Variants in SFMBT2 observed in about 807,000 individuals in gnomAD.
SFMBT2 encodes scm-like with four MBT domains protein 2.
In SFMBT2, 38 loss-of-function variants were observed where a neutral mutation model predicts 110.1. The observed-to-expected ratio is 0.35, with a 90% CI of 0.27 to 0.45. The LOEUF is 0.45. Among genes scored for constraint, SFMBT2 ranks in the 20% least tolerant of loss-of-function variants. The pLI is 1.00. For synonymous variants in SFMBT2, 425 were observed against 425.4 expected (o/e 1.00, Z 0.01); for missense variants, 1,011 against 1,094.9 (o/e 0.92, Z 1.08).
chr10:7,368,907 G>T (rs1400797872), intron 3 of SFMBT2, among the ~76,000 whole-genome samples: 1 of 152,174 alleles, frequency 6.6e-6, no homozygotes, highest in Non-Finnish European at 1.5e-5. Context: ...AGTAAATATA[G>T]CATGATGAGT....
In SFMBT2 at chr10:7,172,622, G is replaced by C. The variant is rs3740212; in HGVS notation, c.2024C>G (p.Pro675Arg). The C allele has an allele frequency of 2.7e-3, 4,372 of 1,614,212 alleles. 43 individuals are homozygous for C. Among genetic ancestry groups the C allele is most frequent in the African/African-American group, 0.025 (1,902 of 75,066 alleles). Reference protein sequence around the residue: ...YGKRKKISKPPIGESNPDSGH... With the variant: ...YGKRKKISKPRIGESNPDSGH... Reference sequence around the variant, plus strand: ...GCTGTCGGGGTTGCTTTCCCCGATGGGGGGCTTGGAGATCTTCTTTCTCTT... The same window carrying C: ...GCTGTCGGGGTTGCTTTCCCCGATGCGGGGCTTGGAGATCTTCTTTCTCTT... Residue 675 changes from proline to arginine, a missense_variant, in exon 18 of 21, where the codon CCC becomes CGC. Pro to Arg is a moderately radical substitution (Grantham distance 103, BLOSUM62 -2). This residue lies in a region of SFMBT2 where 979 missense variants were observed against 1,016.1 expected (regional missense o/e 0.96). Coordinates refer to ENST00000397167, the MANE Select transcript of SFMBT2 (RefSeq NM_001387889.1). The surrounding 1 kb of genome is among the most constrained non-coding windows in gnomAD (Gnocchi z 4.6).
Position 7,376,998 on chromosome 10 carries a change from A to G in SFMBT2, c.100+4801T>C, listed in dbSNP as rs554517556. ...GTCCTGGCTAACATGGTGAAACCCC[A>G]TCTCTACTAAAAATACAAAAATTAG... On this transcript the variant is annotated intron_variant, in intron 2 of 20. Transcript: ENST00000397167. Among the ~76,000 whole-genome samples, 350 of 151,234 alleles carry G rather than the reference A, an allele frequency of 2.3e-3. 1 individual carries two copies. The highest frequency in any genetic ancestry group is 9.2e-3 in the South Asian group (44 of 4,776).
chr10:7,180,133 C>CTTTTTTTT (rs34158255), intron 16 of SFMBT2, among the ~76,000 whole-genome samples: 2 of 128,988 alleles, frequency 1.6e-5, no homozygotes, highest in Non-Finnish European at 1.7e-5. Context: ...CTTTTTTTTG[C>CTTTTTTTT]TTTTTTTGAG....
chr10:7,277,829 T>C (rs565015146), intron 6 of SFMBT2, among the ~76,000 whole-genome samples: 1 of 152,246 alleles, frequency 6.6e-6, no homozygotes, highest in Admixed American at 6.5e-5. Context: ...GATATGAATA[T>C]GAAATTAAGC....
chr10:7,192,056 A>G (rs2131583586), intron 15 of SFMBT2, among the ~76,000 whole-genome samples: 1 of 152,294 alleles, frequency 6.6e-6, no homozygotes, highest in South Asian at 2.1e-4. Flanking sequence ...GCAAAAAAAA[A>G]AATGTGCACT....
At chr10:7,405,869 T>C (rs1490889422) in intron 1 of SFMBT2, among the ~76,000 whole-genome samples, 1 of 124,540 alleles carries the variant, frequency 8.0e-6, no homozygotes, top group Non-Finnish European at 1.6e-5. Context: ...CCTTAGCAGC[T>C]AGTGTTAACA....
chr10:7,377,599 A>C lies in SFMBT2; in HGVS notation c.100+4200T>G, dbSNP rs183756585. On this transcript the variant is annotated intron_variant, in intron 2 of 20. Transcript: ENST00000397167. ...GGGAGACAGTGACAGATCATCAGGC[A>C]TTAGATTCTCATAAGGACCGTGCAA... Among the ~76,000 whole-genome samples, 937 of 152,310 alleles carry C rather than the reference A, an allele frequency of 6.2e-3. 8 individuals carry two copies. The highest frequency in any genetic ancestry group is 0.021 in the African/African-American group (893 of 41,570).
intron 4 of SFMBT2, chr10:7,295,178 G>A (rs1842369959): frequency 6.6e-6 from 1 of 152,130 alleles, no homozygotes; most frequent in African/African-American, 2.4e-5. Flanking sequence ...TATAATTCTT[G>A]TAGAAGTCTG....
chr10:7,176,639 A>G, intron 16 of SFMBT2: 1 of 358,912 alleles, frequency 2.8e-6, no homozygotes, highest in Non-Finnish European at 3.9e-6. Context: ...ACTGTGTATC[A>G]TATTGTTGAA....
intron 1 of SFMBT2, among the ~76,000 whole-genome samples, chr10:7,406,303 TA>T (rs1191508592): frequency 6.6e-6 from 1 of 152,048 alleles, no homozygotes; most frequent in Non-Finnish European, 1.5e-5. Context: ...TTTTTAGGCA[TA>T]AGTGTAGGGC....
chr10:7,303,424 A>G (rs1178436042), intron 4 of SFMBT2, among the ~76,000 whole-genome samples: 2 of 152,208 alleles, frequency 1.3e-5, no homozygotes. Flanking sequence ...CAGAGAAATA[A>G]ATTTCCTACT....
At chr10:7,205,122 T>G (rs941964976) in intron 12 of SFMBT2, 2 of 229,270 alleles carry the variant, frequency 8.7e-6, no homozygotes, top group Non-Finnish European at 1.4e-5. Flanking sequence ...TCACCCACGC[T>G]GGAGTCTACT....
intron 1 of SFMBT2, among the ~76,000 whole-genome samples, chr10:7,382,534 C>T (rs1845453763): frequency 6.6e-6 from 1 of 152,162 alleles, no homozygotes; most frequent in African/African-American, 2.4e-5. Context: ...CTAAGATGGA[C>T]ACATATTTCA....
chr10:7,226,778 G>T (rs963867575), intron 10 of SFMBT2, among the ~76,000 whole-genome samples: 2 of 152,100 alleles, frequency 1.3e-5, no homozygotes, highest in Non-Finnish European at 2.9e-5. Context: ...CGTATACAAT[G>T]GTGGTCCCAT....
chr10:7,393,436 C>T (rs1845837399), intron 1 of SFMBT2, among the ~76,000 whole-genome samples: 1 of 152,144 alleles, frequency 6.6e-6, no homozygotes, highest in Admixed American at 6.5e-5. Flanking sequence ...TCACATACCC[C>T]TCTAGTTAAA....
chr10:7,238,693 A>G (rs1410263175), intron 9 of SFMBT2, among the ~76,000 whole-genome samples: 1 of 152,240 alleles, frequency 6.6e-6, no homozygotes, highest in Non-Finnish European at 1.5e-5. Flanking sequence ...CAATTACTTC[A>G]GCCTTTGCTC....
chr10:7,284,257 CTGG>C lies in SFMBT2; in HGVS notation c.526-110_526-108del. The C allele has an allele frequency of 2.2e-5, 33 of 1,520,944 alleles. No homozygotes were observed. The South Asian group carries it at 4.2e-4, about 19-fold the overall frequency. 94.2% of individuals were successfully genotyped at this position (1,520,944 alleles called of 1,614,324 possible). On this transcript the variant is annotated intron_variant, in intron 5 of 20. Transcript: ENST00000397167. Reference sequence around the variant, plus strand: ...TTTTTTCACACCATCATCCAAGGTACTGGCGAACAGTCTGGCGTTCCCTCCACC... The same window carrying C: ...TTTTTTCACACCATCATCCAAGGTACCGAACAGTCTGGCGTTCCCTCCACC...
intron 4 of SFMBT2, among the ~76,000 whole-genome samples, chr10:7,325,689 G>A (rs1438211035): frequency 2.0e-5 from 3 of 152,290 alleles, no homozygotes; most frequent in South Asian, 2.1e-4. Context: ...AAGGTACAAC[G>A]TGGCGGTCAA....
chr10:7,183,757 A>G (rs1219886539), intron 16 of SFMBT2, among the ~76,000 whole-genome samples: 1 of 152,218 alleles, frequency 6.6e-6, no homozygotes, highest in Non-Finnish European at 1.5e-5. Flanking sequence ...CTTACTTCTC[A>G]CTTGCTTTCC....
Sources: gnomAD v4.1 joint callset for allele counts (sites outside exome capture counted in the v4.1 genomes callset) on GRCh38, gnomAD v4.1.1 for gene constraint, gnomAD v4.1.1 regional missense constraint, Gnocchi (gnomAD v3.1) non-coding constraint, MANE v1.5 for transcripts, NCBI Gene and HGNC (gene_info 2026-07-23, HGNC 2026-07-21) for gene names.